Variants in ACSM3 observed in about 807,000 individuals in gnomAD.
The protein encoded by ACSM3 is acyl-CoA synthetase medium chain family member 3, also known as acyl-coenzyme A synthetase ACSM3, mitochondrial.
ACSM3 carries 61 observed loss-of-function variants against 74.1 expected under a neutral mutation model. That is an observed-to-expected ratio of 0.82 (90% CI 0.67 to 1.02). The LOEUF is 1.02. Among genes scored for constraint, ACSM3 ranks in the 50% least tolerant of loss-of-function variants. The pLI is 0.00. For synonymous variants in ACSM3, 213 were observed against 241.5 expected, an observed-to-expected ratio of 0.88 and a Z score of 1.09; for missense variants, 660 against 697.0, an observed-to-expected ratio of 0.95 and a Z score of 0.60.
intron 1 of ACSM3, chr16:20,737,705 T>C (rs2079882334): frequency 6.2e-7 from 1 of 1,602,832 alleles, no homozygotes; most frequent in Non-Finnish European, 8.5e-7. Flanking sequence ...AAGAGAAACA[T>C]ACCTGCCAAT....
At chr16:20,722,393 A>C (rs2079788909) in intron 1 of ACSM3, 1 of 152,240 alleles carries the variant, frequency 6.6e-6, no homozygotes, top group South Asian at 2.1e-4. Flanking sequence ...GGCATGAGTT[A>C]GCAGTTCTAG....
At chr16:20,742,813 A>ATATATATATATATATATTTTTT (rs61582869) in intron 1 of ACSM3, among the ~76,000 whole-genome samples, 1 of 66,820 alleles carries the variant, frequency 1.5e-5, no homozygotes, top group African/African-American at 4.3e-5. Context: ...ATATATATAT[A>ATATATATATATATATATTTTTT]TTTTTTTTTT....
chr16:20,686,791 G>A (rs777398654), intron 1 of ACSM3, among the ~76,000 whole-genome samples: 8 of 145,362 alleles, frequency 5.5e-5, no homozygotes, highest in Admixed American at 2.1e-4. Context: ...GAGACAGAAT[G>A]AGACCCTGTC....
intron 1 of ACSM3, chr16:20,741,479 C>CCGGGG: frequency 3.0e-6 from 4 of 1,329,522 alleles, no homozygotes; most frequent in South Asian, 1.7e-5. Flanking sequence ...GCCTGGCAGC[C>CCGGGG]GGCCCGCCCG....
chr16:20,681,889 T>C (rs1290103715), intron 1 of ACSM3: 1 of 170,216 alleles, frequency 5.9e-6, no homozygotes, highest in African/African-American at 2.4e-5. Flanking sequence ...TTCCCAGGCA[T>C]TGTGAAGACC....
At chr16:20,749,827 C>T (rs1464155739) in intron 1 of ACSM3, 1 of 152,256 alleles carries the variant, frequency 6.6e-6, no homozygotes, top group African/African-American at 2.4e-5. Flanking sequence ...TTTCCTCGCC[C>T]TCAACAATGG....
chr16:20,701,367 T>A (rs1397257238), intron 1 of ACSM3, among the ~76,000 whole-genome samples: 2 of 152,122 alleles, frequency 1.3e-5, no homozygotes, highest in Non-Finnish European at 2.9e-5. Context: ...TCATCTCAGA[T>A]CCAGTATTGC....
chr16:20,737,955 CT>C, intron 1 of ACSM3: 2 of 1,569,106 alleles, frequency 1.3e-6, no homozygotes, highest in Non-Finnish European at 1.7e-6. Flanking sequence ...ATTTCTCAGG[CT>C]CTTAAGAAAA....
chr16:20,796,566 A>C, intron 13 of ACSM3, 77 bp downstream of exon 13: 3 of 1,587,308 alleles, frequency 1.9e-6, no homozygotes, highest in Non-Finnish European at 1.7e-6. Context: ...ATTTTAATGA[A>C]TATTTTCTTC....
chr16:20,742,138 A>C, intron 1 of ACSM3: 1 of 1,037,988 alleles, frequency 9.6e-7, no homozygotes, highest in Non-Finnish European at 1.3e-6. Flanking sequence ...TAAATATTAA[A>C]TTTGAACTCA....
At chr16:20,736,616 G>A (rs2152416240) in intron 1 of ACSM3, 1 of 407,940 alleles carries the variant, frequency 2.5e-6, no homozygotes, top group Admixed American at 3.9e-5. Context: ...CAGAAGAGGA[G>A]CCTGGGAGAG....
intron 2 of ACSM3, among the ~76,000 whole-genome samples, chr16:20,753,199 T>C (rs2080001790): frequency 1.3e-5 from 2 of 151,346 alleles, no homozygotes; most frequent in Non-Finnish European, 2.9e-5. Context: ...GTGGGGTGGC[T>C]CATACCTGTA....
rs1020750026 is a variant in ACSM3 at position 20,791,935 on chromosome 16, A to G, written c.1327-67A>G. 1.6e-5 allele frequency: 25 copies of G among 1,583,334 alleles called. No individual in the cohort carries two copies. In the South Asian group the frequency reaches 2.2e-4, roughly 14 times the overall value. The stretch of plus-strand genomic sequence containing the variant: ...AGAGTGAGACTGTCTCGGAAAAAAA[A>G]AAAAAAATTCCAATTGACCAGAAGA... On this transcript the variant is annotated intron_variant, in intron 10 of 13. Coordinates refer to ENST00000289416, the MANE Select transcript of ACSM3 (RefSeq NM_005622.4).
At chr16:20,741,481 G>GGGGGGGGGGGGGCCCCCCCCC in intron 1 of ACSM3, 3 of 1,308,408 alleles carry the variant, frequency 2.3e-6, no homozygotes, top group Non-Finnish European at 3.0e-6. Context: ...CTGGCAGCCG[G>GGGGGGGGGGGGGCCCCCCCCC]CCCGCCCGCC....
chr16:20,736,854 A>G, intron 1 of ACSM3: 1 of 1,604,484 alleles, frequency 6.2e-7, no homozygotes, highest in Non-Finnish European at 8.5e-7. Flanking sequence ...CAGGTGAGAA[A>G]CCCACCTCCA....
intron 1 of ACSM3, chr16:20,741,845 C>A (rs1343268255): frequency 1.3e-6 from 2 of 1,536,864 alleles, no homozygotes; most frequent in Non-Finnish European, 1.7e-6. Context: ...GACGGCCTCC[C>A]CTAGCCGGCC....
chr16:20,711,644 GC>G, intron 1 of ACSM3: 1 of 829,684 alleles, frequency 1.2e-6, no homozygotes, highest in Non-Finnish European at 1.9e-6. Context: ...TCTCCACAAA[GC>G]CGGAACAGGT....
intron 1 of ACSM3, among the ~76,000 whole-genome samples, chr16:20,708,071 C>A (rs535290607): frequency 6.6e-6 from 1 of 152,174 alleles, no homozygotes; most frequent in South Asian, 2.1e-4. Flanking sequence ...GAGGCCAAGG[C>A]GGGTGGATCA....
intron 1 of ACSM3, among the ~76,000 whole-genome samples, chr16:20,769,418 A>T (rs180989170): frequency 1.8e-4 from 28 of 152,362 alleles, no homozygotes; most frequent in Admixed American, 5.9e-4. Context: ...CCCTATTGAG[A>T]GCATGGGAAC....
Sources: gnomAD v4.1 joint callset for allele counts (sites outside exome capture counted in the v4.1 genomes callset) on GRCh38, gnomAD v4.1.1 for gene constraint, MANE v1.5 for transcripts, NCBI Gene and HGNC (gene_info 2026-07-23, HGNC 2026-07-21) for gene names.